ITGA2: variants seen among roughly 807,000 people sequenced by gnomAD.
ITGA2 encodes the protein integrin subunit alpha 2, also known as integrin alpha-2.
ITGA2 carries 101 observed loss-of-function variants against 146.3 expected under a neutral mutation model. That is an observed-to-expected ratio of 0.69 (90% CI 0.59 to 0.81). ITGA2 has a LOEUF of 0.81. Among genes scored for constraint, ITGA2 ranks in the 40% least tolerant of loss-of-function variants. ITGA2 has a pLI of 0.00. For missense variants in ITGA2, 1,281 were observed against 1,402.7 expected, an observed-to-expected ratio of 0.91 and a Z score of 1.39; for synonymous variants, 477 against 487.1, an observed-to-expected ratio of 0.98 and a Z score of 0.27.
intron 1 of ITGA2, among the ~76,000 whole-genome samples, chr5:53,005,264 C>T (rs969193836): frequency 2.0e-5 from 3 of 151,978 alleles, no homozygotes; most frequent in African/African-American, 7.3e-5. Flanking sequence ...TGTCATCCTC[C>T]TAACCATTAG....
intron 2 of ITGA2, among the ~76,000 whole-genome samples, chr5:53,027,742 C>T (rs1743022002): frequency 6.6e-6 from 1 of 152,150 alleles, no homozygotes; most frequent in South Asian, 2.1e-4. Flanking sequence ...CTCTCTAGAG[C>T]TCTTTTCAGT....
chr5:53,019,773 A>G (rs1365582239), intron 1 of ITGA2, among the ~76,000 whole-genome samples: 1 of 151,922 alleles, frequency 6.6e-6, no homozygotes, highest in Non-Finnish European at 1.5e-5. Flanking sequence ...TGATCTGTCC[A>G]CCTCGGCCTC....
At chr5:53,090,494 C>A in intron 29 of ITGA2, 25 bp from the exon 30 acceptor site, 1 of 1,606,660 alleles carries the variant, frequency 6.2e-7, no homozygotes, top group Non-Finnish European at 8.5e-7. Context: ...CGGGTGGTAA[C>A]ATTCTTATAT....
rs3212609 is a variant in ITGA2, at chr5:53,079,727, T to C, written c.2929-784T>C. Among the ~76,000 whole-genome samples the C allele has an allele frequency of 4.6e-3, 694 of 152,244 alleles. 11 individuals carry two copies. Among genetic ancestry groups the C allele is most frequent in the Middle Eastern group, 0.024 (7 of 294 alleles). On this transcript the variant is annotated intron_variant, in intron 24 of 29. Coordinates refer to ENST00000296585, the MANE Select transcript of ITGA2 (RefSeq NM_002203.4). ...ATGTGGATGGTATTTGGCAACTACATTCTTTAATGGGGCATCTATTCAATT... is the reference window on the plus strand; with the variant it reads ...ATGTGGATGGTATTTGGCAACTACACTCTTTAATGGGGCATCTATTCAATT...
intron 2 of ITGA2, among the ~76,000 whole-genome samples, chr5:53,039,238 C>G (rs1435760281): frequency 6.6e-6 from 1 of 152,190 alleles, no homozygotes; most frequent in African/African-American, 2.4e-5. Context: ...AGCCACACTT[C>G]CTATGATAGT....
chr5:53,050,805 C>T (rs774773484), intron 6 of ITGA2, among the ~76,000 whole-genome samples: 11 of 152,186 alleles, frequency 7.2e-5, no homozygotes, highest in Non-Finnish European at 1.6e-4. Context: ...GGCATTTTCT[C>T]TGAAAGCCAG....
intron 1 of ITGA2, among the ~76,000 whole-genome samples, chr5:52,999,809 G>C (rs1741476703): frequency 2.6e-5 from 4 of 152,108 alleles, no homozygotes; most frequent in Admixed American, 2.6e-4. Flanking sequence ...CAGATATGTA[G>C]GTGTGTTAGA....
chr5:53,088,607 A>T (rs899456655), intron 28 of ITGA2, among the ~76,000 whole-genome samples: 1 of 149,456 alleles, frequency 6.7e-6, no homozygotes, highest in Non-Finnish European at 1.5e-5. Context: ...AATCGCTTGA[A>T]CCTGCGAGGC....
intron 24 of ITGA2, 134 bp downstream of exon 24, chr5:53,079,008 A>G (rs1745787665): frequency 1.2e-5 from 8 of 684,136 alleles, no homozygotes; most frequent in East Asian, 1.1e-4. Context: ...GTGCATTACA[A>G]TCACCTGGAG....
chr5:53,021,806 G>A (rs570191497), intron 1 of ITGA2, among the ~76,000 whole-genome samples: 1 of 152,250 alleles, frequency 6.6e-6, no homozygotes, highest in Non-Finnish European at 1.5e-5. Context: ...TCAGGAATGG[G>A]CCAAATTGCA....
At chr5:53,064,771 CT>C in intron 13 of ITGA2, 140 bp from the exon 14 acceptor site, 1 of 782,280 alleles carries the variant, frequency 1.3e-6, no homozygotes, top group Non-Finnish European at 2.2e-6. Flanking sequence ...TCTCAAATAC[CT>C]GGCTTCAAGT....
intron 1 of ITGA2, among the ~76,000 whole-genome samples, chr5:53,013,374 C>CTT (rs35674544): frequency 1.2e-4 from 17 of 141,358 alleles, no homozygotes; most frequent in African/African-American, 2.3e-4. Flanking sequence ...CTATTTCTTT[C>CTT]TTTTTTTTTT....
At chr5:53,077,948 T>C (rs1480266702) in intron 23 of ITGA2, among the ~76,000 whole-genome samples, 3 of 152,002 alleles carry the variant, frequency 2.0e-5, no homozygotes, top group African/African-American at 7.2e-5. Flanking sequence ...CCCTCACTGC[T>C]CATCCCCTAA....
intron 1 of ITGA2, among the ~76,000 whole-genome samples, chr5:52,998,474 CAA>C (rs1225710897): frequency 6.6e-5 from 10 of 152,026 alleles, no homozygotes; most frequent in Non-Finnish European, 1.5e-4. Flanking sequence ...ACCCAAAAAA[CAA>C]ACAAACAAAA....
rs187703265 is a variant in ITGA2 at position 53,082,664 on chromosome 5, A to C, written c.3145-676A>C. 2.6e-5 allele frequency among the ~76,000 whole-genome samples: 4 copies of C among 152,278 alleles called. No individual in the cohort carries two copies. The South Asian group carries it at 8.3e-4, about 32-fold the overall frequency. On this transcript the variant is annotated intron_variant, in intron 26 of 29. Coordinates refer to ENST00000296585, the MANE Select transcript of ITGA2 (RefSeq NM_002203.4). The stretch of plus-strand genomic sequence containing the variant: ...TATTTGCCACAATCGATGAAACTAC[A>C]TTACTATATCATTATCAACCAAAAT...
Position 53,090,542 on chromosome 5 carries a change from T to A in ITGA2, c.3489T>A (p.Tyr1163Ter). ...AGCTCGGCTTCTTCAAAAGAAAATA[T>A]GAAAAGATGACCAAAAATCCAGATG... ...LWKLGFFKRK[Y>*]EKMTKNPDEI... The change falls in exon 30 of 30, where the codon TAT (tyrosine) becomes TAA (stop). Residue 1163 changes from tyrosine (Y) to a stop codon, truncating the protein, a stop_gained. Transcript: ENST00000296585. LOFTEE classifies it high-confidence loss of function. The A allele has an allele frequency of 6.2e-7, 1 of 1,614,050 alleles. No homozygotes were observed. Among genetic ancestry groups the A allele is most frequent in the Non-Finnish European group, 8.5e-7 (1 of 1,179,968 alleles).
At chr5:53,007,884 T>C (rs1010823246) in intron 1 of ITGA2, among the ~76,000 whole-genome samples, 1 of 152,200 alleles carries the variant, frequency 6.6e-6, no homozygotes, top group Non-Finnish European at 1.5e-5. Flanking sequence ...CAGGACTTGA[T>C]GCAGTTACAA....
rs914933620 is a variant in ITGA2 at position 52,989,378 on chromosome 5, A to G, written c.-91A>G. On this transcript the variant is annotated 5_prime_UTR_variant, in exon 1 of 30. Transcript: ENST00000296585. ...GAGAAGCCCTCTGGACAGCTTCTAG[A>G]GTGTGCAGGTTCTCGTATCCCTCGG... 3 of 1,325,350 alleles carry G rather than the reference A, an allele frequency of 2.3e-6. No homozygotes were observed. The highest frequency in any genetic ancestry group is 2.2e-6 in the Non-Finnish European group (2 of 918,804). 82.1% of individuals were successfully genotyped at this position (1,325,350 alleles called of 1,614,324 possible). A position where few individuals can be genotyped will look rare whatever the true frequency, so the allele number is the denominator to read the frequency against.
chr5:53,066,995 T>C (rs1351929419), intron 15 of ITGA2, 123 bp from the exon 16 acceptor site: 9 of 925,924 alleles, frequency 9.7e-6, no homozygotes, highest in Non-Finnish European at 1.2e-5. Context: ...ACTGCTAAAG[T>C]GCTTTGATAG....
Sources: allele counts gnomAD v4.1 joint callset (sites outside exome capture counted in the v4.1 genomes callset), GRCh38; gene constraint gnomAD v4.1.1; transcripts MANE v1.5; gene names NCBI Gene and HGNC (gene_info 2026-07-23, HGNC 2026-07-21).